The following UVRAG variants were observed in gnomAD, a reference collection of about 807,000 sequenced individuals.
UVRAG encodes UV radiation resistance-associated gene protein.
UVRAG carries 19 observed loss-of-function variants against 78.0 expected under a neutral mutation model. The ratio of observed to expected loss-of-function variants is 0.24; its 90% CI spans 0.17 to 0.36. The LOEUF is 0.36. Among genes scored for constraint, UVRAG ranks in the 10% least tolerant of loss-of-function variants. The probability of loss-of-function intolerance (pLI) is 1.00; values close to 1 mark genes in which losing one functional copy is unlikely to be tolerated. For synonymous variants in UVRAG, 323 were observed against 324.6 expected, an observed-to-expected ratio of 1.00 and a Z score of 0.05; for missense variants, 740 against 853.8, an observed-to-expected ratio of 0.87 and a Z score of 1.66.
At chr11:75,905,951 C>G (rs1480610102) in intron 5 of UVRAG, among the ~76,000 whole-genome samples, 1 of 152,116 alleles carries the variant, frequency 6.6e-6, no homozygotes, top group Non-Finnish European at 1.5e-5. Flanking sequence ...TCTCATTTCT[C>G]CACATCCTCA....
intron 6 of UVRAG, among the ~76,000 whole-genome samples, chr11:75,953,795 C>T (rs1323822047): frequency 6.6e-6 from 1 of 152,130 alleles, no homozygotes; most frequent in Non-Finnish European, 1.5e-5. Flanking sequence ...GAATGCATCT[C>T]TTTCCTATCA....
chr11:76,028,196 C>T (rs894573283), intron 12 of UVRAG, among the ~76,000 whole-genome samples: 1 of 151,996 alleles, frequency 6.6e-6, no homozygotes, highest in Non-Finnish European at 1.5e-5. Context: ...TATTTTGGGA[C>T]AATACAAACC....
chr11:75,840,114 G>A (rs1383994114), intron 1 of UVRAG, among the ~76,000 whole-genome samples: 1 of 151,902 alleles, frequency 6.6e-6, no homozygotes, highest in African/African-American at 2.4e-5. Flanking sequence ...GGGTAACTGT[G>A]TGTTTCTTCA....
At chr11:75,923,077 C>T (rs965782503) in intron 6 of UVRAG, among the ~76,000 whole-genome samples, 3 of 147,156 alleles carry the variant, frequency 2.0e-5, no homozygotes, top group Non-Finnish European at 4.5e-5. Context: ...TCTTGTTGCC[C>T]GTGCTGGAGT....
At chr11:76,047,699 A>G (rs1950786805) in intron 12 of UVRAG, among the ~76,000 whole-genome samples, 1 of 152,186 alleles carries the variant, frequency 6.6e-6, no homozygotes. Context: ...TGTCATTTTC[A>G]CAGTTTGAAC....
intron 12 of UVRAG, among the ~76,000 whole-genome samples, chr11:76,061,203 C>T (rs1352621487): frequency 1.3e-5 from 2 of 152,156 alleles, no homozygotes; most frequent in Non-Finnish European, 1.5e-5. Flanking sequence ...CTGGTGGGGA[C>T]TTGGAGAACC....
At position 76,014,280 on chromosome 11, in the gene UVRAG, G is replaced by T. The variant is rs115860700; in HGVS notation, c.1061-2535G>T. Among the ~76,000 whole-genome samples, 1,377 of 152,292 alleles carry T rather than the reference G, an allele frequency of 9.0e-3. 21 individuals are homozygous for T. The highest frequency in any genetic ancestry group is 0.032 in the African/African-American group (1,309 of 41,554). On this transcript the variant is annotated intron_variant, in intron 11 of 14. Transcript: ENST00000356136. ...TTGAATGTTTAGCATTAGATAGATA[G>T]TTTTGAAACATTCATTGTTTGCATT...
At chr11:76,095,582 T>A (rs1411041344) in intron 13 of UVRAG, among the ~76,000 whole-genome samples, 1 of 151,014 alleles carries the variant, frequency 6.6e-6, no homozygotes, top group Non-Finnish European at 1.5e-5. Flanking sequence ...TTTTAATCCC[T>A]TGGAGCTGGG....
chr11:76,072,103 AAAG>A (rs1264865839), intron 13 of UVRAG, among the ~76,000 whole-genome samples: 2 of 152,152 alleles, frequency 1.3e-5, no homozygotes, highest in African/African-American at 2.4e-5. Flanking sequence ...GCAGAGCTGA[AAAG>A]AGAGAGAGAC....
intron 14 of UVRAG, among the ~76,000 whole-genome samples, chr11:76,134,252 C>T (rs1423471479): frequency 6.6e-6 from 1 of 150,844 alleles, no homozygotes; most frequent in Non-Finnish European, 1.5e-5. Context: ...TGAGCCACCA[C>T]ACCTGGCCTT....
chr11:75,993,881 G>A (rs1365968019), intron 8 of UVRAG, among the ~76,000 whole-genome samples: 2 of 152,130 alleles, frequency 1.3e-5, no homozygotes, highest in Non-Finnish European at 2.9e-5. Flanking sequence ...GCCAGTACAG[G>A]CGTATCACAT....
intron 1 of UVRAG, among the ~76,000 whole-genome samples, chr11:75,850,530 C>T (rs901453223): frequency 2.0e-5 from 3 of 152,160 alleles, no homozygotes; most frequent in African/African-American, 7.2e-5. Context: ...GGGCTTTGAA[C>T]ACAATGATGG....
At chr11:75,825,991 C>T (rs1434348079) in intron 1 of UVRAG, among the ~76,000 whole-genome samples, 3 of 151,794 alleles carry the variant, frequency 2.0e-5, no homozygotes, top group Non-Finnish European at 2.9e-5. Context: ...CGCCTGCCAG[C>T]ACGCTCGGCT....
At chr11:76,003,962 T>C in intron 8 of UVRAG, 43 bp from the exon 9 acceptor site, 1 of 1,571,754 alleles carries the variant, frequency 6.4e-7, no homozygotes, top group Non-Finnish European at 8.7e-7. Flanking sequence ...GATTGAGTAA[T>C]CCTATGTTAC....
intron 13 of UVRAG, among the ~76,000 whole-genome samples, chr11:76,074,003 A>G (rs953814919): frequency 2.0e-5 from 3 of 152,294 alleles, no homozygotes; most frequent in East Asian, 3.9e-4. Flanking sequence ...AAACAATGTC[A>G]CTCATCTCAC....
At chr11:76,029,955 T>A (rs1472337161) in intron 12 of UVRAG, among the ~76,000 whole-genome samples, 1 of 152,208 alleles carries the variant, frequency 6.6e-6, no homozygotes, top group Non-Finnish European at 1.5e-5. Context: ...GGCAAGACCC[T>A]CCACCAGCAA....
intron 1 of UVRAG, among the ~76,000 whole-genome samples, chr11:75,830,534 G>A (rs1186810106): frequency 6.6e-6 from 1 of 152,128 alleles, no homozygotes; most frequent in East Asian, 1.9e-4. Flanking sequence ...GCCTCCCAAA[G>A]TGTTGGGATT....
chr11:75,932,484 C>T (rs1025812437), intron 6 of UVRAG, among the ~76,000 whole-genome samples: 1 of 151,980 alleles, frequency 6.6e-6, no homozygotes, highest in African/African-American at 2.4e-5. Flanking sequence ...TGGGGTTACA[C>T]CATGTTGGCA....
intron 13 of UVRAG, among the ~76,000 whole-genome samples, chr11:76,112,992 G>A (rs1032273457): frequency 3.9e-5 from 6 of 152,128 alleles, no homozygotes; most frequent in African/African-American, 1.4e-4. Flanking sequence ...GATTATGGGT[G>A]TGAGCCACCA....
Sources: allele counts gnomAD v4.1 joint callset (sites outside exome capture counted in the v4.1 genomes callset), GRCh38; gene constraint gnomAD v4.1.1; transcripts MANE v1.5; gene names NCBI Gene and HGNC (gene_info 2026-07-23, HGNC 2026-07-21).